Variants in SGCZ observed in about 807,000 individuals in gnomAD.
SGCZ encodes the protein zeta-sarcoglycan.
SGCZ carries 40 observed loss-of-function variants against 41.3 expected under a neutral mutation model. The ratio of observed to expected loss-of-function variants is 0.97; its 90% CI spans 0.75 to 1.26. The LOEUF (loss-of-function observed/expected upper bound fraction) is 1.26, where lower values mean the gene tolerates loss of function less well. Among genes scored for constraint, SGCZ ranks in the 50% most tolerant of loss-of-function variants. The probability of loss-of-function intolerance (pLI) is 0.00; values close to 1 mark genes in which losing one functional copy is unlikely to be tolerated. For synonymous variants in SGCZ, 206 were observed against 137.5 expected, an observed-to-expected ratio of 1.50 and a Z score of -3.49; for missense variants, 552 against 369.8, an observed-to-expected ratio of 1.49 and a Z score of -4.04.
At chr8:14,865,966 G>A (rs1803916866) in intron 1 of SGCZ, among the ~76,000 whole-genome samples, 1 of 152,064 alleles carries the variant, frequency 6.6e-6, no homozygotes, top group South Asian at 2.1e-4. Flanking sequence ...TAACTCTTAA[G>A]GAATTGCTAA....
At chr8:14,670,438 G>A (rs1374313889) in intron 1 of SGCZ, among the ~76,000 whole-genome samples, 2 of 152,104 alleles carry the variant, frequency 1.3e-5, no homozygotes, top group Non-Finnish European at 2.9e-5. Context: ...GTTTCAAGGT[G>A]CCTGGAAAAG....
At chr8:15,140,294 G>C (rs898436856) in intron 1 of SGCZ, among the ~76,000 whole-genome samples, 1 of 152,066 alleles carries the variant, frequency 6.6e-6, no homozygotes, top group African/African-American at 2.4e-5. Flanking sequence ...CAAAGTGCTG[G>C]AATAACAGGT....
At chr8:14,778,488 T>A (rs1160895266) in intron 1 of SGCZ, among the ~76,000 whole-genome samples, 1 of 152,042 alleles carries the variant, frequency 6.6e-6, no homozygotes, top group Non-Finnish European at 1.5e-5. Context: ...AGCATGGGAA[T>A]TACTGCATTA....
At chr8:14,624,622 G>A (rs1405014639) in intron 1 of SGCZ, among the ~76,000 whole-genome samples, 2 of 136,866 alleles carry the variant, frequency 1.5e-5, no homozygotes, top group Non-Finnish European at 3.0e-5. Flanking sequence ...CCAGGCTGGA[G>A]TGCAGTTGTG....
intron 1 of SGCZ, among the ~76,000 whole-genome samples, chr8:14,859,498 G>A (rs78316830): frequency 0.03 from 4,635 of 152,144 alleles, 263 homozygotes; most frequent in African/African-American, 0.11. Flanking sequence ...ACTCTTCTTT[G>A]GAAGACTACA....
chr8:15,108,435 T>C (rs920988392), intron 1 of SGCZ, among the ~76,000 whole-genome samples: 65 of 152,328 alleles, frequency 4.3e-4, no homozygotes, highest in African/African-American at 1.4e-3. Flanking sequence ...TGCATAGGAA[T>C]TGGAAAGCTC....
At chr8:14,519,710 T>G (rs533966812) in intron 2 of SGCZ, among the ~76,000 whole-genome samples, 1 of 152,242 alleles carries the variant, frequency 6.6e-6, no homozygotes, top group South Asian at 2.1e-4. Flanking sequence ...GCAATAATCT[T>G]TCTCATACTC....
chr8:14,672,388 G>A (rs149834260), intron 1 of SGCZ, among the ~76,000 whole-genome samples: 13 of 152,270 alleles, frequency 8.5e-5, no homozygotes, highest in African/African-American at 3.1e-4. Flanking sequence ...ATTCTTGCAA[G>A]AAACATGATT....
At chr8:15,127,839 A>G (rs1807761947) in intron 1 of SGCZ, among the ~76,000 whole-genome samples, 1 of 152,178 alleles carries the variant, frequency 6.6e-6, no homozygotes, top group South Asian at 2.1e-4. Context: ...AAAAGAACCT[A>G]ATTTTTACAT....
chr8:14,723,566 C>G (rs561095726), intron 1 of SGCZ, among the ~76,000 whole-genome samples: 1 of 152,186 alleles, frequency 6.6e-6, no homozygotes, highest in East Asian at 1.9e-4. Flanking sequence ...GCACCCCTCT[C>G]CCATTGAGAG....
intron 1 of SGCZ, among the ~76,000 whole-genome samples, chr8:14,913,661 T>C (rs1479509902): frequency 1.3e-5 from 2 of 152,104 alleles, no homozygotes; most frequent in African/African-American, 4.8e-5. Context: ...GAAAAATCTA[T>C]TTTATGCAAC....
At chr8:14,193,408 A>C (rs1316483191) in intron 4 of SGCZ, among the ~76,000 whole-genome samples, 1 of 151,054 alleles carries the variant, frequency 6.6e-6, no homozygotes, top group Non-Finnish European at 1.5e-5. Flanking sequence ...TAATAATGCT[A>C]TCTGAGTATG....
intron 5 of SGCZ, among the ~76,000 whole-genome samples, chr8:14,149,831 A>G (rs1176585303): frequency 2.0e-5 from 3 of 152,130 alleles, no homozygotes; most frequent in Middle Eastern, 3.2e-3. Flanking sequence ...AAACAGACAC[A>G]TAGACAAATA....
At chr8:14,656,660 C>T (rs994114996) in intron 1 of SGCZ, among the ~76,000 whole-genome samples, 11 of 149,936 alleles carry the variant, frequency 7.3e-5, no homozygotes, top group Admixed American at 6.0e-4. Flanking sequence ...TTTCATTTCC[C>T]TTTTCTCCCT....
intron 3 of SGCZ, among the ~76,000 whole-genome samples, chr8:14,281,404 G>A (rs1800431921): frequency 6.6e-6 from 1 of 151,926 alleles, no homozygotes; most frequent in South Asian, 2.1e-4. Context: ...AATTTTCCAT[G>A]TCATTCTAAT....
intron 2 of SGCZ, among the ~76,000 whole-genome samples, chr8:14,418,277 T>A (rs1225403950): frequency 6.6e-6 from 1 of 151,966 alleles, no homozygotes; most frequent in Non-Finnish European, 1.5e-5. Flanking sequence ...GCTGGAGAAC[T>A]GAGGCCTAAT....
chr8:14,257,240 T>C (rs1563216966), intron 3 of SGCZ, among the ~76,000 whole-genome samples: 1 of 151,794 alleles, frequency 6.6e-6, no homozygotes, highest in Non-Finnish European at 1.5e-5. Flanking sequence ...GATGGGAGGA[T>C]CACTTGCTTG....
chr8:14,142,232 G>A (rs1803393837), intron 5 of SGCZ, among the ~76,000 whole-genome samples: 1 of 151,956 alleles, frequency 6.6e-6, no homozygotes, highest in African/African-American at 2.4e-5. Context: ...CGAGTTAAGG[G>A]GTGCAGCACA....
rs539079264 is a variant in SGCZ, at chr8:14,516,228, G to C, written c.234+38504C>G. Among the ~76,000 whole-genome samples the C allele has an allele frequency of 2.6e-5, 4 of 151,874 alleles. No individual in the cohort carries two copies. The South Asian group carries it at 8.3e-4, about 32-fold the overall frequency. ...TCATGGTAATCAGGTTTGCTGTACA[G>C]ATTATTTCAACAACAAGCTATTAAT... is the stretch of plus-strand genomic sequence containing the variant. On this transcript the variant is annotated intron_variant, in intron 2 of 7. Coordinates refer to ENST00000382080, the MANE Select transcript of SGCZ (RefSeq NM_139167.4).
Sources: allele counts gnomAD v4.1 joint callset (sites outside exome capture counted in the v4.1 genomes callset), GRCh38; gene constraint gnomAD v4.1.1; transcripts MANE v1.5; gene names NCBI Gene and HGNC (gene_info 2026-07-23, HGNC 2026-07-21).